Variants in DLGAP1 observed in about 807,000 individuals in gnomAD.
DLGAP1 encodes DLG associated protein 1, also known as disks large-associated protein 1.
DLGAP1 carries 11 observed loss-of-function variants against 90.8 expected under a neutral mutation model. The ratio of observed to expected loss-of-function variants is 0.12; its 90% CI spans 0.08 to 0.20. The LOEUF (loss-of-function observed/expected upper bound fraction) is 0.20. Among genes scored for constraint, DLGAP1 ranks in the 10% least tolerant of loss-of-function variants. The pLI is 1.00. For missense variants in DLGAP1, 1,050 were observed against 1,333.8 expected (o/e 0.79, Z 3.31); for synonymous variants, 558 against 540.7 (o/e 1.03, Z -0.44).
chr18:4,353,195 G>GT (rs1204073950), intron 1 of DLGAP1, among the ~76,000 whole-genome samples: 1 of 152,100 alleles, frequency 6.6e-6, no homozygotes, highest in African/African-American at 2.4e-5. Context: ...ACACTTGGCT[G>GT]TTTATCTCCT....
In DLGAP1 at chr18:4,292,526, C is replaced by T. The variant is rs1223218809; in HGVS notation, c.-266-141239G>A. Among the ~76,000 whole-genome samples, 4 of 151,808 alleles carry T rather than the reference C, an allele frequency of 2.6e-5. No homozygotes were observed. The South Asian group carries it at 6.2e-4, about 24-fold the overall frequency. The stretch of plus-strand genomic sequence containing the variant: ...CATCACATTTTAAAATTTATCTTTG[C>T]TCATATTATAATATACTTTACTAAT... On this transcript the variant is annotated intron_variant, in intron 1 of 12. Coordinates refer to ENST00000315677, the MANE Select transcript of DLGAP1 (RefSeq NM_004746.4).
At chr18:3,675,804 T>C (rs547784012) in intron 7 of DLGAP1, among the ~76,000 whole-genome samples, 7 of 152,210 alleles carry the variant, frequency 4.6e-5, no homozygotes, top group Non-Finnish European at 8.8e-5. Flanking sequence ...TTCTCCTTTG[T>C]AGCATTTGCT....
intron 1 of DLGAP1, among the ~76,000 whole-genome samples, chr18:4,391,657 G>A (rs528377968): frequency 6.6e-6 from 1 of 152,150 alleles, no homozygotes. Context: ...GTCCTTCCTA[G>A]AAGCATAAAC....
intron 5 of DLGAP1, among the ~76,000 whole-genome samples, chr18:3,758,659 T>C (rs1208801154): frequency 2.0e-5 from 3 of 152,206 alleles, no homozygotes; most frequent in African/African-American, 7.2e-5. Context: ...AACCTGGAGA[T>C]GTGAAATTCT....
chr18:3,642,962 C>G (rs1168461409), intron 7 of DLGAP1, among the ~76,000 whole-genome samples: 1 of 152,178 alleles, frequency 6.6e-6, no homozygotes, highest in African/African-American at 2.4e-5. Flanking sequence ...TGAAGATATG[C>G]CTCCCCACAT....
At chr18:4,316,209 G>A (rs376120542) in intron 1 of DLGAP1, among the ~76,000 whole-genome samples, 1 of 152,200 alleles carries the variant, frequency 6.6e-6, no homozygotes, top group Non-Finnish European at 1.5e-5. Flanking sequence ...AGCTGCTAAT[G>A]CCTATTGATC....
intron 3 of DLGAP1, among the ~76,000 whole-genome samples, chr18:3,989,444 C>T (rs973871931): frequency 1.3e-5 from 2 of 152,146 alleles, no homozygotes; most frequent in East Asian, 3.9e-4. Context: ...GAGGTGTCCA[C>T]ACTGAGGCTG....
At chr18:3,839,929 A>C (rs2148624932) in intron 4 of DLGAP1, among the ~76,000 whole-genome samples, 1 of 152,236 alleles carries the variant, frequency 6.6e-6, no homozygotes, top group Middle Eastern at 3.4e-3. Context: ...TGTCAGCCCC[A>C]CCCTGAATCA....
intron 7 of DLGAP1, among the ~76,000 whole-genome samples, chr18:3,699,177 G>T (rs1339928492): frequency 1.3e-5 from 2 of 151,992 alleles, no homozygotes; most frequent in African/African-American, 4.8e-5. Context: ...ATCCAGTTTT[G>T]TTCCCTTGCT....
At chr18:3,707,688 T>C (rs1187374606) in intron 7 of DLGAP1, among the ~76,000 whole-genome samples, 3 of 152,142 alleles carry the variant, frequency 2.0e-5, no homozygotes, top group East Asian at 3.9e-4. Flanking sequence ...ACTGTAATCG[T>C]GGATATATTT....
intron 1 of DLGAP1, among the ~76,000 whole-genome samples, chr18:4,311,752 G>C (rs770438585): frequency 1.3e-5 from 2 of 152,246 alleles, no homozygotes; most frequent in Non-Finnish European, 2.9e-5. Context: ...ATCTCGCTCT[G>C]TCGCCCAGGC....
At chr18:3,665,274 C>T (rs1456137789) in intron 7 of DLGAP1, among the ~76,000 whole-genome samples, 1 of 151,798 alleles carries the variant, frequency 6.6e-6, no homozygotes. Flanking sequence ...CCCCTCCCCC[C>T]AACCCCTTCC....
chr18:4,352,554 T>C (rs12605000), intron 1 of DLGAP1, among the ~76,000 whole-genome samples: 18,595 of 152,114 alleles, frequency 0.12, 1,298 homozygotes, highest in East Asian at 0.28. Flanking sequence ...CTTTATTTGT[T>C]TGTCATATAA....
intron 2 of DLGAP1, among the ~76,000 whole-genome samples, chr18:4,127,625 G>A (rs1568411241): frequency 1.3e-5 from 2 of 152,106 alleles, no homozygotes; most frequent in African/African-American, 4.8e-5. Context: ...TATATTATCT[G>A]AAAAACATAA....
Position 3,605,973 on chromosome 18 carries a change from A to G in DLGAP1, c.1592-23725T>C, listed in dbSNP as rs534811972. 3.3e-5 allele frequency among the ~76,000 whole-genome samples: 5 copies of G among 152,340 alleles called. No homozygotes were observed. In the East Asian group the frequency reaches 9.6e-4, roughly 29 times the overall value. On this transcript the variant is annotated intron_variant, in intron 7 of 12. Transcript: ENST00000315677. Reference sequence around the variant, plus strand: ...CTTCAAACAAAACACTAAAATCAACAACAACCATAATGGATTCCTGCCTAG... The same window carrying G: ...CTTCAAACAAAACACTAAAATCAACGACAACCATAATGGATTCCTGCCTAG...
intron 5 of DLGAP1, among the ~76,000 whole-genome samples, chr18:3,754,378 A>C (rs775488159): frequency 3.3e-5 from 5 of 152,154 alleles, no homozygotes; most frequent in Non-Finnish European, 5.9e-5. Context: ...TTTGAATTGT[A>C]TGGGTCCACT....
intron 3 of DLGAP1, among the ~76,000 whole-genome samples, chr18:3,945,808 T>C (rs1334788041): frequency 6.6e-6 from 1 of 152,010 alleles, no homozygotes; most frequent in Non-Finnish European, 1.5e-5. Flanking sequence ...AGAGTTAATA[T>C]GCTCTTTAAA....
At chr18:4,387,864 G>A (rs1487528781) in intron 1 of DLGAP1, among the ~76,000 whole-genome samples, 2 of 151,570 alleles carry the variant, frequency 1.3e-5, no homozygotes, top group Non-Finnish European at 2.9e-5. Context: ...CCGGGAGGTG[G>A]ATGCTGCAGT....
intron 4 of DLGAP1, among the ~76,000 whole-genome samples, chr18:3,850,258 G>T (rs1309125897): frequency 6.6e-6 from 1 of 152,072 alleles, no homozygotes; most frequent in African/African-American, 2.4e-5. Context: ...AGGCATTGTG[G>T]TGGCTGCTTG....
Sources: allele counts gnomAD v4.1 joint callset (sites outside exome capture counted in the v4.1 genomes callset), GRCh38; gene constraint gnomAD v4.1.1; transcripts MANE v1.5; gene names NCBI Gene and HGNC (gene_info 2026-07-23, HGNC 2026-07-21).